The following KANK4 variants were observed in gnomAD, a reference collection of about 807,000 sequenced individuals.
KANK4 encodes KN motif and ankyrin repeat domain-containing protein 4.
Under a neutral mutation model 80.8 loss-of-function variants are expected in KANK4, and 50 were observed. The observed-to-expected ratio is 0.62, with a 90% confidence interval of 0.49 to 0.78. The LOEUF (loss-of-function observed/expected upper bound fraction) is 0.78. Among genes scored for constraint, KANK4 ranks in the 30% least tolerant of loss-of-function variants. The pLI is 0.00. For missense variants in KANK4, 1,196 were observed against 1,240.1 expected, an observed-to-expected ratio of 0.96 and a Z score of 0.53; for synonymous variants, 465 against 506.9, an observed-to-expected ratio of 0.92 and a Z score of 1.11.
intron 2 of KANK4, 54 bp from the exon 3 acceptor site, chr1:62,275,141 A>G: frequency 7.2e-7 from 1 of 1,389,896 alleles, no homozygotes; most frequent in Admixed American, 2.1e-5. Context: ...ATTAAGCATT[A>G]CAGGGCGATG....
chr1:62,252,646 G>A lies in KANK4; in HGVS notation c.2682+421C>T, dbSNP rs191224489. ...TAAAAGGCTTTGGGGTGACAGAGGT[G>A]AGAACTTCTTTAAAGGACTGGACCT... On this transcript the variant is annotated intron_variant, in intron 8 of 9. Transcript: ENST00000371153. 1.6e-4 allele frequency among the ~76,000 whole-genome samples: 25 copies of A among 152,378 alleles called. No homozygotes were observed. In the East Asian group the frequency reaches 4.8e-3, roughly 29 times the overall value.
chr1:62,263,665 T>C (rs1453692768), intron 6 of KANK4, among the ~76,000 whole-genome samples: 2 of 151,748 alleles, frequency 1.3e-5, no homozygotes, highest in African/African-American at 2.4e-5. Flanking sequence ...GCCCTCTCCT[T>C]CCCCCTCACA....
chr1:62,254,623 G>A (rs1306089970), intron 7 of KANK4, among the ~76,000 whole-genome samples: 3 of 148,618 alleles, frequency 2.0e-5, no homozygotes, highest in East Asian at 4.0e-4. Flanking sequence ...GCATGATCTC[G>A]GCTCACTGCA....
At chr1:62,259,557 G>A (rs966579114) in intron 7 of KANK4, among the ~76,000 whole-genome samples, 12 of 152,084 alleles carry the variant, frequency 7.9e-5, no homozygotes, top group African/African-American at 2.4e-4. Flanking sequence ...GATTATAGGC[G>A]TGAGCCACCG....
chr1:62,306,716 T>TA (rs1022741470), intron 1 of KANK4, among the ~76,000 whole-genome samples: 4 of 152,214 alleles, frequency 2.6e-5, no homozygotes, highest in South Asian at 2.1e-4. Context: ...TAATTTTTAA[T>TA]AAAAAAATTC....
chr1:62,250,016 C>T (rs542900020), intron 8 of KANK4, among the ~76,000 whole-genome samples: 5 of 151,028 alleles, frequency 3.3e-5, no homozygotes, highest in African/African-American at 7.3e-5. Flanking sequence ...GATGGAGTCT[C>T]GCTCTGTCAC....
At chr1:62,242,118 A>G (rs1671355594) in intron 9 of KANK4, among the ~76,000 whole-genome samples, 1 of 152,148 alleles carries the variant, frequency 6.6e-6, no homozygotes, top group Admixed American at 6.6e-5. Flanking sequence ...ACAACACTCC[A>G]GAGCTGCTCT....
intron 9 of KANK4, among the ~76,000 whole-genome samples, chr1:62,240,152 T>A (rs1671304190): frequency 6.6e-6 from 1 of 152,246 alleles, no homozygotes; most frequent in Admixed American, 6.5e-5. Flanking sequence ...GTGTTCTTAT[T>A]TCTCCACATC....
chr1:62,267,100 G>C (rs187154897), intron 5 of KANK4, among the ~76,000 whole-genome samples: 1 of 152,068 alleles, frequency 6.6e-6, no homozygotes, highest in East Asian at 1.9e-4. Context: ...GTGGGGGGTC[G>C]TGGTAGGGGG....
intron 1 of KANK4, among the ~76,000 whole-genome samples, chr1:62,305,281 G>A (rs1571047877): frequency 1.3e-5 from 2 of 151,684 alleles, no homozygotes; most frequent in African/African-American, 4.9e-5. Context: ...AACAAAACCC[G>A]AATGCAGCTG....
At chr1:62,283,257 C>T (rs1262895409) in intron 1 of KANK4, among the ~76,000 whole-genome samples, 1 of 152,190 alleles carries the variant, frequency 6.6e-6, no homozygotes, top group African/African-American at 2.4e-5. Flanking sequence ...CCTCCCACCC[C>T]TGTAACATTA....
rs1671780167 is a variant in KANK4 at position 62,257,515 on chromosome 1, C to T, written c.2540-4306G>A. Among the ~76,000 whole-genome samples the T allele has an allele frequency of 2.6e-5, 4 of 152,234 alleles. No individual in the cohort carries two copies. The South Asian group carries it at 6.2e-4, about 24-fold the overall frequency. On this transcript the variant is annotated intron_variant, in intron 7 of 9. Coordinates refer to ENST00000371153, the MANE Select transcript of KANK4 (RefSeq NM_181712.5). ...TCTGACTCAATAAGCCCTGCAAGGGCATTTGGCAAAATAAAGGACGGATCA... is the reference window on the plus strand; with the variant it reads ...TCTGACTCAATAAGCCCTGCAAGGGTATTTGGCAAAATAAAGGACGGATCA...
intron 1 of KANK4, among the ~76,000 whole-genome samples, chr1:62,288,410 A>C (rs1483440181): frequency 6.6e-6 from 1 of 152,190 alleles, no homozygotes; most frequent in Non-Finnish European, 1.5e-5. Flanking sequence ...AGGCTTTTGC[A>C]CTTTACTCAG....
chr1:62,258,348 A>G (rs1246982581), intron 7 of KANK4, among the ~76,000 whole-genome samples: 8 of 152,186 alleles, frequency 5.3e-5, no homozygotes, highest in African/African-American at 1.7e-4. Context: ...CAGAACACAG[A>G]GCCATGCTCC....
intron 6 of KANK4, among the ~76,000 whole-genome samples, chr1:62,264,195 A>G (rs866927027): frequency 1.6e-4 from 24 of 152,164 alleles, no homozygotes; most frequent in African/African-American, 5.8e-4. Flanking sequence ...AGGCGGGTAT[A>G]TCACCTGAGG....
intron 1 of KANK4, among the ~76,000 whole-genome samples, chr1:62,297,098 T>A (rs1351968129): frequency 6.6e-6 from 1 of 151,870 alleles, no homozygotes; most frequent in Admixed American, 6.6e-5. Context: ...GCACCGATAG[T>A]CCCAGCTACT....
intron 1 of KANK4, among the ~76,000 whole-genome samples, chr1:62,308,493 GTGCTCC>G (rs564178827): frequency 6.6e-6 from 1 of 152,136 alleles, no homozygotes; most frequent in African/African-American, 2.4e-5. Flanking sequence ...CCTGGGCCAG[GTGCTCC>G]TGCTCCTGAT....
Position 62,290,972 on chromosome 1 carries a change from GAT to G in KANK4, c.-70-9340_-70-9339del, listed in dbSNP as rs143551883. 9.7e-4 allele frequency among the ~76,000 whole-genome samples: 147 copies of G among 151,976 alleles called. No homozygotes were observed. In the East Asian group the frequency reaches 0.027, roughly 28 times the overall value. On this transcript the variant is annotated intron_variant, in intron 1 of 9. Coordinates refer to ENST00000371153, the MANE Select transcript of KANK4 (RefSeq NM_181712.5). Reference sequence around the variant, plus strand: ...TCACCGTGTTAGCCAGAATGGTCTCGATCTCTTGACTTCATGATCCGCCTGCC... The same window carrying G: ...TCACCGTGTTAGCCAGAATGGTCTCGCTCTTGACTTCATGATCCGCCTGCC...
chr1:62,290,498 C>T (rs1320492665), intron 1 of KANK4, among the ~76,000 whole-genome samples: 1 of 152,178 alleles, frequency 6.6e-6, no homozygotes, highest in Non-Finnish European at 1.5e-5. Flanking sequence ...CGTGTGAAGA[C>T]CGCAGGGGAT....
Sources: allele counts gnomAD v4.1 joint callset (sites outside exome capture counted in the v4.1 genomes callset), GRCh38; gene constraint gnomAD v4.1.1; transcripts MANE v1.5; gene names NCBI Gene and HGNC (gene_info 2026-07-23, HGNC 2026-07-21).